Variants in RNF220 observed in about 807,000 individuals in gnomAD.
RNF220 encodes the protein ring finger protein 220.
A neutral mutation model predicts 67.1 loss-of-function variants in RNF220; 7 were observed. The ratio of observed to expected loss-of-function variants is 0.10; its 90% CI spans 0.06 to 0.20. RNF220 has a LOEUF of 0.20. Among genes scored for constraint, RNF220 ranks in the 10% least tolerant of loss-of-function variants. RNF220 has a pLI of 1.00. For synonymous variants in RNF220, 270 were observed against 283.2 expected, an observed-to-expected ratio of 0.95 and a Z score of 0.47; for missense variants, 565 against 740.3, an observed-to-expected ratio of 0.76 and a Z score of 2.75.
At chr1:44,537,988 T>C (rs142727850) in intron 2 of RNF220, among the ~76,000 whole-genome samples, 381 of 152,386 alleles carry the variant, frequency 2.5e-3, no homozygotes, top group African/African-American at 8.7e-3. Flanking sequence ...TTAGCCTACA[T>C]GCAGAATAGT....
chr1:44,512,469 C>T (rs1288599141), intron 2 of RNF220, among the ~76,000 whole-genome samples: 1 of 152,178 alleles, frequency 6.6e-6, no homozygotes. Flanking sequence ...GGAGGTGACA[C>T]ACTGGGGTGG....
At position 44,522,552 on chromosome 1, in the gene RNF220, T is replaced by C. The variant is rs1034230980; in HGVS notation, c.626-91613T>C. ...AAGAAAAGAGAGACCTTAATTGAGG[T>C]GGGTGGACAATAGTTGAGCACAGCA... On this transcript the variant is annotated intron_variant, in intron 2 of 14. Coordinates refer to ENST00000361799, the MANE Select transcript of RNF220 (RefSeq NM_018150.4). 2.6e-5 allele frequency among the ~76,000 whole-genome samples: 4 copies of C among 152,014 alleles called. 1 individual carries two copies. The South Asian group carries it at 8.3e-4, about 32-fold the overall frequency.
chr1:44,454,730 T>G (rs1219646734), intron 2 of RNF220, among the ~76,000 whole-genome samples: 1 of 152,104 alleles, frequency 6.6e-6, no homozygotes, highest in Non-Finnish European at 1.5e-5. Flanking sequence ...TACAGTTCTG[T>G]GAGTTTTGAC....
chr1:44,507,759 C>T (rs1658570921), intron 2 of RNF220, among the ~76,000 whole-genome samples: 2 of 152,134 alleles, frequency 1.3e-5, no homozygotes, highest in African/African-American at 2.4e-5. Context: ...GGGCGCTGGG[C>T]GGCTGTCTCC....
intron 2 of RNF220, among the ~76,000 whole-genome samples, chr1:44,595,843 A>T (rs185189582): frequency 6.6e-6 from 1 of 151,892 alleles, no homozygotes; most frequent in Non-Finnish European, 1.5e-5. Flanking sequence ...AGCTCACTGC[A>T]AGCTCCACCT....
chr1:44,543,361 GGCTTTATTATGGAGAACTCA>G lies in RNF220; in HGVS notation c.626-70801_626-70782del, dbSNP rs1166234997. The stretch of plus-strand genomic sequence containing the variant: ...GGGGGTGATGGGGGAGATCGTTGGT[GGCTTTATTATGGAGAACTCA>G]GCAGGCCTGGGGCCTTCTATTGTCC... On this transcript the variant is annotated intron_variant, in intron 2 of 14. Coordinates refer to ENST00000361799, the MANE Select transcript of RNF220 (RefSeq NM_018150.4). Among the ~76,000 whole-genome samples the G allele has an allele frequency of 2.0e-5, 3 of 152,238 alleles. 1 individual carries two copies. The highest frequency in any genetic ancestry group is 2.1e-4 in the South Asian group (1 of 4,824).
intron 2 of RNF220, among the ~76,000 whole-genome samples, chr1:44,542,015 A>G (rs1572826431): frequency 6.6e-6 from 1 of 152,302 alleles, no homozygotes; most frequent in East Asian, 1.9e-4. Context: ...GCTTGACCTA[A>G]CTAAGCCTTT....
intron 2 of RNF220, among the ~76,000 whole-genome samples, chr1:44,545,192 C>T (rs1301755777): frequency 6.6e-6 from 1 of 152,196 alleles, no homozygotes; most frequent in Non-Finnish European, 1.5e-5. Flanking sequence ...ACAGAAGAGC[C>T]AGTCACAAAG....
intron 2 of RNF220, among the ~76,000 whole-genome samples, chr1:44,551,952 C>T (rs1662669809): frequency 6.6e-6 from 1 of 152,184 alleles, no homozygotes; most frequent in South Asian, 2.1e-4. Context: ...TGGTTGGCAG[C>T]CACCTCCTCT....
Position 44,527,236 on chromosome 1 carries a change from T to C in RNF220, c.626-86929T>C, listed in dbSNP as rs542948841. ...CTCAACATATTCAATACTGACATCA[T>C]TATATTCTTCCAAGCCTGCAACTTA... On this transcript the variant is annotated intron_variant, in intron 2 of 14. Coordinates refer to ENST00000361799, the MANE Select transcript of RNF220 (RefSeq NM_018150.4). 3.9e-5 allele frequency among the ~76,000 whole-genome samples: 6 copies of C among 152,114 alleles called. No homozygotes were observed. In the East Asian group the frequency reaches 9.7e-4, roughly 24 times the overall value.
rs538781824 is a variant in RNF220 at position 44,625,428 on chromosome 1, T to C, written c.805-869T>C. ...TCACATCCTAAGGCTCAGCCGGAGA[T>C]GAAGGATAAATGGCTGCTCCATCTT... On this transcript the variant is annotated intron_variant, in intron 4 of 14. Transcript: ENST00000361799. Among the ~76,000 whole-genome samples, 16 of 152,266 alleles carry C rather than the reference T, an allele frequency of 1.1e-4. No individual in the cohort carries two copies. In the South Asian group the frequency reaches 2.5e-3, roughly 24 times the overall value.
intron 2 of RNF220, among the ~76,000 whole-genome samples, chr1:44,587,210 C>T (rs1665767324): frequency 6.8e-6 from 1 of 145,988 alleles, no homozygotes; most frequent in Non-Finnish European, 1.5e-5. Flanking sequence ...TGCAGTGGCA[C>T]AATCTCGGCT....
intron 2 of RNF220, among the ~76,000 whole-genome samples, chr1:44,454,571 G>A (rs1188047433): frequency 6.6e-6 from 1 of 151,236 alleles, no homozygotes; most frequent in Non-Finnish European, 1.5e-5. Flanking sequence ...GTGTTTTAAA[G>A]AACATTTTTT....
chr1:44,505,471 G>A (rs148922337), intron 2 of RNF220, among the ~76,000 whole-genome samples: 2 of 152,364 alleles, frequency 1.3e-5, no homozygotes, highest in East Asian at 1.9e-4. Context: ...GTCAGCATCC[G>A]TTCCATCACG....
At chr1:44,521,063 T>C (rs1401469011) in intron 2 of RNF220, among the ~76,000 whole-genome samples, 1 of 152,036 alleles carries the variant, frequency 6.6e-6, no homozygotes, top group Non-Finnish European at 1.5e-5. Context: ...GCCCAACTAG[T>C]TTTTTTATTT....
intron 2 of RNF220, among the ~76,000 whole-genome samples, chr1:44,568,581 G>A (rs1664200472): frequency 6.6e-6 from 1 of 152,242 alleles, no homozygotes; most frequent in African/African-American, 2.4e-5. Flanking sequence ...AAATGTACTA[G>A]TCTAACTCCT....
chr1:44,484,027 C>T (rs1656064185), intron 2 of RNF220, among the ~76,000 whole-genome samples: 1 of 152,178 alleles, frequency 6.6e-6, no homozygotes. Flanking sequence ...AACTGTTTCC[C>T]AGCCTTGGGC....
intron 2 of RNF220, among the ~76,000 whole-genome samples, chr1:44,605,991 C>T (rs1465867088): frequency 6.6e-6 from 1 of 152,232 alleles, no homozygotes; most frequent in African/African-American, 2.4e-5. Flanking sequence ...CAGCTAAATA[C>T]ATATCTCTCC....
chr1:44,552,530 A>T (rs184240917), intron 2 of RNF220, among the ~76,000 whole-genome samples: 1 of 143,798 alleles, frequency 7.0e-6, no homozygotes, highest in East Asian at 2.1e-4. Context: ...CAACAACAAA[A>T]ACCCATCAAT....
Sources: allele counts gnomAD v4.1 joint callset (sites outside exome capture counted in the v4.1 genomes callset), GRCh38; gene constraint gnomAD v4.1.1; transcripts MANE v1.5; gene names NCBI Gene and HGNC (gene_info 2026-07-23, HGNC 2026-07-21).